Variants in ABI3BP observed in about 807,000 individuals in gnomAD.
The protein encoded by ABI3BP is ABI family member 3 binding protein, also known as target of Nesh-SH3.
ABI3BP carries 216 observed loss-of-function variants against 268.6 expected under a neutral mutation model. That is an observed-to-expected ratio of 0.80 (90% CI 0.72 to 0.90). ABI3BP has a LOEUF of 0.90. Among genes scored for constraint, ABI3BP ranks in the 40% least tolerant of loss-of-function variants. The pLI, the probability that ABI3BP is intolerant of heterozygous loss-of-function variation, is 0.00. For synonymous variants in ABI3BP, 730 were observed against 730.0 expected (o/e 1.00, Z 0.00); for missense variants, 2,090 against 2,182.4 (o/e 0.96, Z 0.84).
intron 1 of ABI3BP, among the ~76,000 whole-genome samples, chr3:100,968,103 T>C (rs2082059358): frequency 6.6e-6 from 1 of 152,206 alleles, no homozygotes; most frequent in Non-Finnish European, 1.5e-5. Flanking sequence ...TAGAACAATC[T>C]GGCCATACCT....
At chr3:100,756,991 G>A (rs967889717) in intron 63 of ABI3BP, among the ~76,000 whole-genome samples, 1 of 151,838 alleles carries the variant, frequency 6.6e-6, no homozygotes, top group Non-Finnish European at 1.5e-5. Flanking sequence ...TAAGAGAAAT[G>A]TCTCAATATT....
chr3:100,982,420 T>C (rs1410608095), intron 1 of ABI3BP, among the ~76,000 whole-genome samples: 2 of 152,088 alleles, frequency 1.3e-5, no homozygotes, highest in Non-Finnish European at 2.9e-5. Flanking sequence ...TAAAGAGGAC[T>C]GATACTTTTA....
At chr3:100,808,831 C>A (rs541906963) in intron 49 of ABI3BP, among the ~76,000 whole-genome samples, 1 of 152,052 alleles carries the variant, frequency 6.6e-6, no homozygotes, top group Admixed American at 6.6e-5. Flanking sequence ...AGTGTAAAAA[C>A]CAATTTTTTC....
intron 63 of ABI3BP, among the ~76,000 whole-genome samples, chr3:100,755,483 C>T (rs2095568112): frequency 6.6e-6 from 1 of 152,154 alleles, no homozygotes; most frequent in African/African-American, 2.4e-5. Context: ...AGAGCAGGAA[C>T]ACAAACACAG....
chr3:100,768,249 C>A (rs1273874815), intron 62 of ABI3BP, among the ~76,000 whole-genome samples: 1 of 152,128 alleles, frequency 6.6e-6, no homozygotes, highest in South Asian at 2.1e-4. Flanking sequence ...CCACCACACC[C>A]GGCTAATTTT....
Position 100,864,821 on chromosome 3 carries a change from T to C in ABI3BP, c.1063+12A>G. 1 of 1,579,386 alleles carries C rather than the reference T, an allele frequency of 6.3e-7. No homozygotes were observed. The highest frequency in any genetic ancestry group is 8.6e-7 in the Non-Finnish European group (1 of 1,162,980). On this transcript the variant is annotated intron_variant, in intron 11 of 67. Coordinates refer to ENST00000471714, the MANE Select transcript of ABI3BP (RefSeq NM_001375547.2). Reference sequence around the variant, plus strand: ...TTGTTTTTTTAGAAAAAAAAAAAGTTCTTAGAATTACCCAGTGTTGTTTCT... The same window carrying C: ...TTGTTTTTTTAGAAAAAAAAAAAGTCCTTAGAATTACCCAGTGTTGTTTCT...
intron 1 of ABI3BP, among the ~76,000 whole-genome samples, chr3:100,963,208 C>T (rs961633378): frequency 2.6e-5 from 4 of 152,240 alleles, no homozygotes; most frequent in South Asian, 2.1e-4. Context: ...GTTAAGCAAT[C>T]GGCCCAAGAT....
intron 66 of ABI3BP, 94 bp from the exon 67 acceptor site, chr3:100,751,768 C>T (rs2095340612): frequency 2.3e-6 from 3 of 1,290,776 alleles, no homozygotes; most frequent in Non-Finnish European, 2.1e-6. Context: ...TACTTTCTCC[C>T]CTCATTCTCT....
intron 66 of ABI3BP, 84 bp from the exon 67 acceptor site, chr3:100,751,758 T>A: frequency 7.4e-7 from 1 of 1,356,062 alleles, no homozygotes; most frequent in Non-Finnish European, 9.9e-7. Flanking sequence ...ACTGTTTTTG[T>A]ACTTTCTCCC....
chr3:100,835,920 T>C (rs2098578149), intron 27 of ABI3BP, among the ~76,000 whole-genome samples: 1 of 152,164 alleles, frequency 6.6e-6, no homozygotes, highest in African/African-American at 2.4e-5. Context: ...ATAAAAAACC[T>C]GGATCCAAGA....
intron 1 of ABI3BP, among the ~76,000 whole-genome samples, chr3:100,929,359 C>T (rs1435065211): frequency 2.0e-5 from 3 of 152,018 alleles, no homozygotes; most frequent in Admixed American, 2.0e-4. Context: ...AGTAATCCAC[C>T]TCCTGTGCAC....
In ABI3BP at chr3:100,778,452, TAAAAATA is replaced by T. The variant is rs2096772936; in HGVS notation, c.4241-83_4241-77del. The T allele has an allele frequency of 2.3e-6, 3 of 1,306,122 alleles. No homozygotes were observed. The East Asian group carries it at 7.3e-5, about 32-fold the overall frequency. The allele number at this position is 1,306,122 out of a possible 1,614,324, so 80.9% of individuals were successfully genotyped here. On this transcript the variant is annotated intron_variant, in intron 58 of 67. Coordinates refer to ENST00000471714, the MANE Select transcript of ABI3BP (RefSeq NM_001375547.2). ...TCATTATCGAAAAAAACAGGGTTTT[TAAAAATA>T]AAAAATAATGTTTGATAATTAGCAG...
At position 100,885,547 on chromosome 3, in the gene ABI3BP, C is replaced by G. The variant is rs1395112313; in HGVS notation, c.685G>C (p.Asp229His). The change falls in exon 6 of 68, where the codon GAC becomes CAC. Residue 229 changes from aspartate (D) to histidine (H), a missense_variant. Physicochemically the swap from Asp to His is moderately conservative, Grantham distance 81. Transcript: ENST00000471714. ...NGKIQSTYDQ[D>H]HTVPAYVPRK... ...AAACTGTTACATACCACTGTGTGGTCTTGGTCATAGGTACTTTGGATTTTC... is the reference window on the plus strand; with the variant it reads ...AAACTGTTACATACCACTGTGTGGTGTTGGTCATAGGTACTTTGGATTTTC... 3 of 1,556,938 alleles carry G rather than the reference C, an allele frequency of 1.9e-6. No individual in the cohort carries two copies. The highest frequency in any genetic ancestry group is 2.6e-6 in the Non-Finnish European group (3 of 1,147,194).
intron 4 of ABI3BP, among the ~76,000 whole-genome samples, chr3:100,888,984 G>C (rs1222221658): frequency 6.6e-6 from 1 of 151,840 alleles, no homozygotes; most frequent in Non-Finnish European, 1.5e-5. Flanking sequence ...TGAATATGTG[G>C]TGCTCTAAGG....
At chr3:100,780,775 T>C (rs1217861911) in intron 57 of ABI3BP, among the ~76,000 whole-genome samples, 1 of 152,168 alleles carries the variant, frequency 6.6e-6, no homozygotes, top group Non-Finnish European at 1.5e-5. Flanking sequence ...AACTCAAAAT[T>C]ACTGTTTGAA....
intron 2 of ABI3BP, chr3:100,912,111 A>G: frequency 1.7e-6 from 1 of 586,898 alleles, no homozygotes; most frequent in Non-Finnish European, 3.1e-6. Flanking sequence ...TGTCCCAGAC[A>G]GTGCTGGGGT....
At chr3:100,826,727 AC>A (rs1331849040) in intron 34 of ABI3BP, among the ~76,000 whole-genome samples, 1 of 152,132 alleles carries the variant, frequency 6.6e-6, no homozygotes, top group African/African-American at 2.4e-5. Flanking sequence ...TTCTGTCCAA[AC>A]AAAAGCACTC....
rs373348400 is a variant in ABI3BP, at chr3:100,898,870, A to G, written c.353T>C (p.Leu118Pro). The change falls in exon 4 of 68, where the codon CTG becomes CCG. Residue 118 changes from leucine (L) to proline (P), a missense_variant. Physicochemically the swap from Leu to Pro is moderately conservative, Grantham distance 98. Transcript: ENST00000471714. Reference protein sequence around the residue: ...CSGKTRSRKPLQLVVGTLTPS... With the variant: ...CSGKTRSRKPPQLVVGTLTPS... ...TGTCAGAGTGCCAACCACCAGCTGC[A>G]GAGGTTTGCGAGAACGAGTTTTACC... is the stretch of plus-strand genomic sequence containing the variant. 1.2e-6 allele frequency: 2 copies of G among 1,611,910 alleles called. No homozygotes were observed. The highest frequency in any genetic ancestry group is 2.7e-5 in the African/African-American group (2 of 74,854).
intron 6 of ABI3BP, among the ~76,000 whole-genome samples, chr3:100,882,321 C>T (rs766143320): frequency 1.1e-4 from 16 of 151,780 alleles, no homozygotes; most frequent in Non-Finnish European, 1.3e-4. Context: ...AAGTATCAAA[C>T]CACTTCTCAG....
Sources: allele counts gnomAD v4.1 joint callset (sites outside exome capture counted in the v4.1 genomes callset), GRCh38; gene constraint gnomAD v4.1.1; transcripts MANE v1.5; gene names NCBI Gene and HGNC (gene_info 2026-07-23, HGNC 2026-07-21).